The following SRP9 variants were observed in gnomAD, a reference collection of about 807,000 sequenced individuals.
SRP9 encodes the protein signal recognition particle 9.
SRP9 carries 2 observed loss-of-function variants against 11.7 expected under a neutral mutation model. That is an observed-to-expected ratio of 0.17 (90% CI 0.07 to 0.54). SRP9 has a LOEUF of 0.54. Among genes scored for constraint, SRP9 ranks in the 20% least tolerant of loss-of-function variants. The pLI is 0.94. For missense variants in SRP9, 54 were observed against 108.1 expected (o/e 0.50, Z 2.22); for synonymous variants, 27 against 35.6 (o/e 0.76, Z 0.86).
chr1:225,784,759 A>G (rs61849057), intron 2 of SRP9, among the ~76,000 whole-genome samples: 54,984 of 151,088 alleles, frequency 0.36, 10,454 homozygotes, highest in East Asian at 0.63. Context: ...GGAGAATGGC[A>G]TAAACCTGGG....
rs1297412511 is a variant in SRP9 at position 225,789,907 on chromosome 1, AC to A, written c.*549del. On this transcript the variant is annotated 3_prime_UTR_variant, in exon 3 of 3. Coordinates refer to ENST00000304786, the MANE Select transcript of SRP9 (RefSeq NM_003133.6). ...TCAATTATATCTGAAAGTAATTGTG[AC>A]TAACAAGTATGCTTTGCCTTATTTC... 1.3e-5 allele frequency: 2 copies of A among 152,358 alleles called. No individual in the cohort carries two copies. The highest frequency in any genetic ancestry group is 4.8e-5 in the African/African-American group (2 of 41,452). 9.4% of individuals were successfully genotyped at this position (152,358 alleles called of 1,614,324 possible).
chr1:225,787,765 G>C (rs543574069), intron 2 of SRP9, among the ~76,000 whole-genome samples: 2 of 152,186 alleles, frequency 1.3e-5, no homozygotes, highest in African/African-American at 2.4e-5. Context: ...TCAGTGAGAA[G>C]GTATGTACAT....
intron 2 of SRP9, 35 bp from the exon 3 acceptor site, chr1:225,789,205 A>T (rs760106713): frequency 6.3e-7 from 1 of 1,594,808 alleles, no homozygotes; most frequent in Non-Finnish European, 8.6e-7. Context: ...ATCTAGTTTT[A>T]TATAGTTAAT....
Position 225,783,383 on chromosome 1 carries a change from TTA to T in SRP9, c.141+17_141+18del, listed in dbSNP as rs1665836604. The T allele has an allele frequency of 6.3e-7, 1 of 1,577,524 alleles. No individual in the cohort carries two copies. The highest frequency in any genetic ancestry group is 1.3e-5 in the African/African-American group (1 of 74,154). On this transcript the variant is annotated intron_variant, in intron 2 of 2. Transcript: ENST00000304786. Reference sequence around the variant, plus strand: ...ATGATTTAGTTGTAAGTATACATTTTTATTTGTTACATACTTTCAGATTTGTT... The same window carrying T: ...ATGATTTAGTTGTAAGTATACATTTTTTTGTTACATACTTTCAGATTTGTT...
intron 1 of SRP9, among the ~76,000 whole-genome samples, chr1:225,780,823 A>G (rs989040775): frequency 2.0e-5 from 3 of 152,234 alleles, no homozygotes; most frequent in Non-Finnish European, 1.5e-5. Context: ...GTATTGCTGT[A>G]ATTGAAGATG....
At chr1:225,785,144 C>T (rs1426671278) in intron 2 of SRP9, among the ~76,000 whole-genome samples, 2 of 151,856 alleles carry the variant, frequency 1.3e-5, no homozygotes, top group South Asian at 2.1e-4. Flanking sequence ...GATCTCTGCT[C>T]ACTGCAGCCT....
At position 225,789,180 on chromosome 1, in the gene SRP9, T is replaced by G. The variant is rs1466291421; in HGVS notation, c.142-60T>G. 16 of 1,570,396 alleles carry G rather than the reference T, an allele frequency of 1.0e-5. No individual in the cohort carries two copies. The African/African-American group carries it at 2.0e-4, about 20-fold the overall frequency. On this transcript the variant is annotated intron_variant, in intron 2 of 2. Transcript: ENST00000304786. ...TCAAAATTTTACCCAATTGTATGTT[T>G]TCTACATTGTCAGTATCTAGTTTTA...
At chr1:225,784,543 C>T (rs1002779553) in intron 2 of SRP9, among the ~76,000 whole-genome samples, 1 of 151,764 alleles carries the variant, frequency 6.6e-6, no homozygotes, top group African/African-American at 2.4e-5. Context: ...ACCACCCCAC[C>T]CGGCCTATCA....
In SRP9 at chr1:225,789,962, G is replaced by A. The variant is rs1171693209; in HGVS notation, c.*603G>A. 1.3e-5 allele frequency: 2 copies of A among 152,326 alleles called. No homozygotes were observed. The highest frequency in any genetic ancestry group is 2.9e-5 in the Non-Finnish European group (2 of 68,122). The allele number at this position is 152,326 out of a possible 1,614,324, so 9.4% of individuals were successfully genotyped here. A position where few individuals can be genotyped will look rare whatever the true frequency, so the allele number is the denominator to read the frequency against. ...ATTTAAACTACCTGTTAATATAAGG[G>A]ATTTGTAGTATCAGCTTGTTGAGCA... On this transcript the variant is annotated 3_prime_UTR_variant, in exon 3 of 3. Transcript: ENST00000304786.
intron 2 of SRP9, among the ~76,000 whole-genome samples, chr1:225,785,322 C>T (rs1173445674): frequency 1.3e-5 from 2 of 151,392 alleles, no homozygotes; most frequent in African/African-American, 4.9e-5. Context: ...CATGATCCAC[C>T]CACCTTGGCC....
chr1:225,783,213 G>A, intron 1 of SRP9, 87 bp from the exon 2 acceptor site: 1 of 988,530 alleles, frequency 1.0e-6, no homozygotes, highest in Middle Eastern at 2.5e-4. Flanking sequence ...ATTCTAAAAG[G>A]ATCCTTTTCA....
At chr1:225,788,981 T>G (rs1665970379) in intron 2 of SRP9, 3 of 1,545,316 alleles carry the variant, frequency 1.9e-6, no homozygotes, top group East Asian at 4.9e-5. Context: ...GGATTTAACA[T>G]TTAACATTTT....
chr1:225,778,138 C>CA, intron 1 of SRP9, 126 bp downstream of exon 1: 1 of 1,036,240 alleles, frequency 9.7e-7, no homozygotes, highest in Non-Finnish European at 1.4e-6. Flanking sequence ...TGGACCCTGC[C>CA]AAGTTAATGT....
At chr1:225,780,112 C>T (rs1394613438) in intron 1 of SRP9, among the ~76,000 whole-genome samples, 1 of 151,238 alleles carries the variant, frequency 6.6e-6, no homozygotes, top group Non-Finnish European at 1.5e-5. Context: ...GAACTGGGCT[C>T]GAGTGATCCT....
chr1:225,786,769 AGTATCTAACATGAGT>A, intron 2 of SRP9: 1 of 1,185,036 alleles, frequency 8.4e-7, no homozygotes, highest in Non-Finnish European at 1.1e-6. Context: ...AATATATGAA[AGTATCTAACATGAGT>A]GCTTACCCTT....
chr1:225,788,906 T>C (rs1665968679), intron 2 of SRP9: 3 of 1,211,060 alleles, frequency 2.5e-6, no homozygotes, highest in South Asian at 3.4e-5. Context: ...GATAATCTAA[T>C]ACCTAATTCG....
At chr1:225,783,096 C>G (rs1004929044) in intron 1 of SRP9, among the ~76,000 whole-genome samples, 1 of 145,580 alleles carries the variant, frequency 6.9e-6, no homozygotes, top group African/African-American at 2.6e-5. Flanking sequence ...CTTTTTAAGT[C>G]TTAAATAAAT....
At chr1:225,778,805 TCTG>T (rs1262353840) in intron 1 of SRP9, among the ~76,000 whole-genome samples, 4 of 152,270 alleles carry the variant, frequency 2.6e-5, no homozygotes, top group African/African-American at 7.2e-5. Context: ...AATTAAAAGT[TCTG>T]CTTCTTTTTA....
chr1:225,778,089 TC>T, intron 1 of SRP9, 77 bp downstream of exon 1: 2 of 1,508,952 alleles, frequency 1.3e-6, no homozygotes, highest in Non-Finnish European at 1.8e-6. Flanking sequence ...CCCTGGAGCT[TC>T]CCCAGCGCTC....
Sources: allele counts gnomAD v4.1 joint callset (sites outside exome capture counted in the v4.1 genomes callset), GRCh38; gene constraint gnomAD v4.1.1; transcripts MANE v1.5; gene names NCBI Gene and HGNC (gene_info 2026-07-23, HGNC 2026-07-21).